STOX2: variants seen among roughly 807,000 people sequenced by gnomAD.
STOX2 encodes storkhead box 2.
A neutral mutation model predicts 60.9 loss-of-function variants in STOX2; 28 were observed. The ratio of observed to expected loss-of-function variants is 0.46; its 90% CI spans 0.34 to 0.63. STOX2 has a LOEUF of 0.63. STOX2 is among the 30% of genes least tolerant of loss of function. The pLI, the probability that STOX2 is intolerant of heterozygous loss-of-function variation, is 0.01. For synonymous variants in STOX2, 472 were observed against 463.9 expected (o/e 1.02, Z -0.22); for missense variants, 1,024 against 1,187.7 (o/e 0.86, Z 2.03).
At chr4:183,838,068 G>C (rs1156608636) in intron 1 of STOX2, among the ~76,000 whole-genome samples, 1 of 151,762 alleles carries the variant, frequency 6.6e-6, no homozygotes, top group African/African-American at 2.4e-5. Flanking sequence ...TTTGTATTTA[G>C]TGATAATTTT....
At chr4:183,989,259 A>G (rs1048120792) in intron 1 of STOX2, among the ~76,000 whole-genome samples, 2 of 145,286 alleles carry the variant, frequency 1.4e-5, no homozygotes, top group Non-Finnish European at 3.0e-5. Context: ...CTGGAGTGCA[A>G]TGGTGTGATC....
chr4:184,007,171 T>C (rs970812568), intron 2 of STOX2, among the ~76,000 whole-genome samples: 3 of 152,168 alleles, frequency 2.0e-5, no homozygotes, highest in Non-Finnish European at 4.4e-5. Context: ...TGATACATTA[T>C]CTATGAACAA....
At chr4:183,926,411 G>A (rs964285801) in intron 1 of STOX2, among the ~76,000 whole-genome samples, 1 of 152,140 alleles carries the variant, frequency 6.6e-6, no homozygotes, top group Admixed American at 6.5e-5. Context: ...GGCCCTCATA[G>A]GAGCCAGTGA....
At position 184,022,530 on chromosome 4, in the gene STOX2, GAC is replaced by G. The variant is rs148638321; in HGVS notation, c.*5262_*5263del. On this transcript the variant is annotated 3_prime_UTR_variant, in exon 4 of 4. Coordinates refer to ENST00000308497, the MANE Select transcript of STOX2 (RefSeq NM_020225.3). The stretch of plus-strand genomic sequence containing the variant: ...TCATTAATTGTTGGCTTCAAATGTG[GAC>G]ACACACACACACACATCATGCCAAG... 5.3e-5 allele frequency: 8 copies of G among 151,082 alleles called. No homozygotes were observed. Among genetic ancestry groups the G allele is most frequent in the South Asian group, 2.1e-4 (1 of 4,784 alleles). The allele number at this position is 151,082 out of a possible 1,614,324, so 9.4% of individuals were successfully genotyped here. A position where few individuals can be genotyped will look rare whatever the true frequency, so the allele number is the denominator to read the frequency against.
chr4:183,833,062 G>T (rs1739612843), intron 1 of STOX2, among the ~76,000 whole-genome samples: 1 of 152,196 alleles, frequency 6.6e-6, no homozygotes, highest in South Asian at 2.1e-4. Context: ...CCATGGCGAT[G>T]GTCTACCTGA....
At position 183,811,658 on chromosome 4, in the gene STOX2, T is replaced by G. The variant is rs553264043; in HGVS notation, c.364+13603T>G. On this transcript the variant is annotated intron_variant, in intron 1 of 2. Transcript: ENST00000513034. ...GTTTGAAGAAGTCCATGAAGACAGA[T>G]TCACATGGAAATTGTTGATGGTGTT... Among the ~76,000 whole-genome samples the G allele has an allele frequency of 9.2e-4, 140 of 152,352 alleles. 1 individual carries two copies. Among genetic ancestry groups the G allele is most frequent in the African/African-American group, 3.2e-3 (133 of 41,588 alleles).
intron 1 of STOX2, among the ~76,000 whole-genome samples, chr4:183,849,453 G>A (rs898310197): frequency 1.8e-4 from 28 of 152,196 alleles, no homozygotes; most frequent in African/African-American, 6.8e-4. Context: ...ATGTAGCTTC[G>A]TAGGAGATAC....
chr4:183,946,621 G>T (rs1742897789), intron 1 of STOX2, among the ~76,000 whole-genome samples: 1 of 108,270 alleles, frequency 9.2e-6, no homozygotes, highest in African/African-American at 3.2e-5. Context: ...TATTTACATA[G>T]TTGTGGTTTT....
chr4:183,888,138 T>C (rs191767487), intron 1 of STOX2, among the ~76,000 whole-genome samples: 1 of 152,278 alleles, frequency 6.6e-6, no homozygotes, highest in African/African-American at 2.4e-5. Context: ...GAGGAAAATA[T>C]GGTGTTGGAG....
Position 184,018,450 on chromosome 4 carries a change from A to G in STOX2, c.*1166A>G, listed in dbSNP as rs1734462197. 2 of 124,018 alleles carry G rather than the reference A, an allele frequency of 1.6e-5. No homozygotes were observed. The highest frequency in any genetic ancestry group is 1.7e-4 in the Admixed American group (2 of 11,866). 7.7% of individuals were successfully genotyped at this position (124,018 alleles called of 1,614,324 possible). A position where few individuals can be genotyped will look rare whatever the true frequency, so the allele number is the denominator to read the frequency against. On this transcript the variant is annotated 3_prime_UTR_variant, in exon 4 of 4. Transcript: ENST00000308497. ...AAAACTTTTAAAATAATTTTTGATT[A>G]GAAATATACATGTGCCCATGTAATA...
At chr4:183,802,567 C>T (rs1022719121) in intron 1 of STOX2, among the ~76,000 whole-genome samples, 3 of 150,414 alleles carry the variant, frequency 2.0e-5, no homozygotes, top group African/African-American at 7.4e-5. Context: ...TTTGTAGAGA[C>T]AGGGTCTCCC....
At chr4:183,928,971 T>C (rs777772721) in intron 1 of STOX2, among the ~76,000 whole-genome samples, 3 of 152,214 alleles carry the variant, frequency 2.0e-5, no homozygotes, top group Non-Finnish European at 4.4e-5. Context: ...AAGCTTTGGA[T>C]AAAGTGTGAA....
At chr4:183,984,300 T>C (rs1183617136) in intron 1 of STOX2, among the ~76,000 whole-genome samples, 1 of 152,256 alleles carries the variant, frequency 6.6e-6, no homozygotes, top group Non-Finnish European at 1.5e-5. Context: ...TTGCTGACTG[T>C]TTCGACCCCG....
intron 1 of STOX2, among the ~76,000 whole-genome samples, chr4:183,826,637 G>T (rs1579307994): frequency 6.6e-6 from 1 of 152,340 alleles, no homozygotes; most frequent in African/African-American, 2.4e-5. Context: ...ATGTGGCCCT[G>T]GCAGGTCACA....
intron 1 of STOX2, among the ~76,000 whole-genome samples, chr4:183,998,691 G>A (rs1419594295): frequency 6.6e-6 from 1 of 152,078 alleles, no homozygotes; most frequent in African/African-American, 2.4e-5. Flanking sequence ...ACAGGCGCGT[G>A]CCAGCATGCC....
chr4:183,848,873 C>T (rs776848543), intron 1 of STOX2, among the ~76,000 whole-genome samples: 5 of 152,184 alleles, frequency 3.3e-5, no homozygotes, highest in Non-Finnish European at 7.3e-5. Flanking sequence ...AACAGGAGCC[C>T]GAAGTCCATG....
chr4:183,880,543 G>T (rs903630226), intron 1 of STOX2, among the ~76,000 whole-genome samples: 1 of 152,184 alleles, frequency 6.6e-6, no homozygotes, highest in South Asian at 2.1e-4. Context: ...CAGAGATAAA[G>T]ATAATTTTTT....
chr4:183,811,280 A>G (rs1416075208), intron 1 of STOX2, among the ~76,000 whole-genome samples: 1 of 152,202 alleles, frequency 6.6e-6, no homozygotes, highest in Admixed American at 6.5e-5. Context: ...TTTCCAGTTT[A>G]TATTGTGTTA....
intron 1 of STOX2, among the ~76,000 whole-genome samples, chr4:183,866,361 T>G (rs1740567528): frequency 6.6e-6 from 1 of 151,984 alleles, no homozygotes; most frequent in South Asian, 2.1e-4. Flanking sequence ...TTATAATGAG[T>G]GAGGAAAGAA....
Sources: allele counts gnomAD v4.1 joint callset (sites outside exome capture counted in the v4.1 genomes callset), GRCh38; gene constraint gnomAD v4.1.1; transcripts MANE v1.5; gene names NCBI Gene and HGNC (gene_info 2026-07-23, HGNC 2026-07-21).